SLAMF9: variants seen among roughly 807,000 people sequenced by gnomAD.
SLAMF9 encodes CD2 family member 10.
In SLAMF9, 25 loss-of-function variants were observed where a neutral mutation model predicts 30.4. That is an observed-to-expected ratio of 0.82 (90% CI 0.60 to 1.15). The LOEUF is 1.15. Ranked by LOEUF, SLAMF9 falls within the 50% of genes most tolerant of loss-of-function variation. The pLI, the probability that SLAMF9 is intolerant of heterozygous loss-of-function variation, is 0.00. For missense variants in SLAMF9, 344 were observed against 346.1 expected, an observed-to-expected ratio of 0.99 and a Z score of 0.05; for synonymous variants, 129 against 127.2, an observed-to-expected ratio of 1.01 and a Z score of -0.09.
At chr1:159,955,170 C>T (rs976792896), upstream of SLAMF9, among the ~76,000 whole-genome samples, 1 of 151,574 alleles carries the variant, frequency 6.6e-6, no homozygotes. Flanking sequence ...GACTTTAAAT[C>T]GTTTTGTGAG....
At chr1:159,970,302 G>A in the SLAMF9 span, among the ~76,000 whole-genome samples, 15 of 152,182 alleles carry the variant, frequency 9.9e-5, no homozygotes, top group Non-Finnish European at 7.3e-5. Flanking sequence ...CCCCTGAAAT[G>A]CTTTGTTGCA....
chr1:159,982,480 C>T, the SLAMF9 span, among the ~76,000 whole-genome samples: 1 of 152,292 alleles, frequency 6.6e-6, no homozygotes, highest in South Asian at 2.1e-4. Context: ...AAGATCCATG[C>T]AAATGTTCCC....
chr1:159,976,955 A>AGAAG, the SLAMF9 span: 1 of 6,898 alleles, frequency 1.4e-4, no homozygotes, highest in Non-Finnish European at 7.4e-4. Flanking sequence ...AAAGAAAGAA[A>AGAAG]GAAAGAGAAA....
chr1:159,980,390 T>G, the SLAMF9 span, among the ~76,000 whole-genome samples: 1 of 152,112 alleles, frequency 6.6e-6, no homozygotes, highest in African/African-American at 2.4e-5. Flanking sequence ...TGGCTGAAAG[T>G]GACTGGTGGT....
At chr1:159,957,962 A>C (rs1419627445), upstream of SLAMF9, among the ~76,000 whole-genome samples, 1 of 152,226 alleles carries the variant, frequency 6.6e-6, no homozygotes, top group East Asian at 1.9e-4. Context: ...TAAATGGAGA[A>C]GGAAGCAGGT....
chr1:159,951,808 C>T lies in SLAMF9; in HGVS notation c.723G>A (p.Leu241=). Reference sequence around the variant, plus strand: ...GAATTACCAAGAGCAAGAAGATGAGCAATCCCTTGGCCAGGAGGCAGAAGG... The same window carrying T: ...GAATTACCAAGAGCAAGAAGATGAGTAATCCCTTGGCCAGGAGGCAGAAGG... The part of the protein sequence containing the change: ...STAFCLLAKG[L]LIFLLLVILA... Residue 241 remains leucine, a synonymous_variant, in exon 4 of 4, where the codon TTG becomes TTA. Coordinates refer to ENST00000368093, the MANE Select transcript of SLAMF9 (RefSeq NM_033438.4). 1 of 1,614,176 alleles carries T rather than the reference C, an allele frequency of 6.2e-7. No individual in the cohort carries two copies. The highest frequency in any genetic ancestry group is 1.3e-5 in the African/African-American group (1 of 75,038).
the SLAMF9 span, among the ~76,000 whole-genome samples, chr1:159,973,571 C>T: frequency 6.6e-6 from 1 of 152,158 alleles, no homozygotes; most frequent in Non-Finnish European, 1.5e-5. Flanking sequence ...TTCCCAGTGC[C>T]CCACTCCCAG....
chr1:159,952,515 C>G lies in SLAMF9; in HGVS notation c.411G>C (p.Gln137His), dbSNP rs1220515721. 8 of 1,613,910 alleles carry G rather than the reference C, an allele frequency of 5.0e-6. No homozygotes were observed. The Admixed American group carries it at 8.3e-5, about 17-fold the overall frequency. Residue 137 changes from glutamine (Q) to histidine (H), a missense_variant, in exon 3 of 4, where the codon CAG (glutamine) becomes CAC (histidine). By Grantham distance (24) the Gln-to-His change is conservative. Transcript: ENST00000368093. ...ICVYRWLSEP[Q>H]ITVNFESSGE... The stretch of plus-strand genomic sequence containing the variant: ...CAGAACTCTCAAAGTTCACAGTGAT[C>G]TGGGGCTCTGACAGCCATCCTGGAT...
chr1:159,973,987 T>C, the SLAMF9 span: 3 of 1,610,084 alleles, frequency 1.9e-6, no homozygotes, highest in African/African-American at 4.0e-5. Flanking sequence ...AGTGGTGTAT[T>C]CTTCCATCCC....
At chr1:159,983,508 T>G in the SLAMF9 span, 1 of 152,100 alleles carries the variant, frequency 6.6e-6, no homozygotes, top group African/African-American at 2.4e-5. Context: ...TTGTTTTTTG[T>G]TTTTGTTTTG....
intron 3 of SLAMF9, 89 bp from the exon 4 acceptor site, chr1:159,951,955 G>T (rs113517995): frequency 8.9e-6 from 10 of 1,119,000 alleles, no homozygotes; most frequent in African/African-American, 7.8e-5. Context: ...TCATGAAGGG[G>T]TCTCAAGTTC....
At chr1:159,952,198 G>C in intron 3 of SLAMF9, 64 bp downstream of exon 3, 1 of 1,571,988 alleles carries the variant, frequency 6.4e-7, no homozygotes, top group Non-Finnish European at 8.7e-7. Context: ...AGCTGGGGGA[G>C]GGAGATGGTG....
At chr1:159,969,017 G>C in the SLAMF9 span, among the ~76,000 whole-genome samples, 1 of 150,322 alleles carries the variant, frequency 6.7e-6, no homozygotes, top group African/African-American at 2.4e-5. Context: ...ACTCCAGCCT[G>C]AGTGACAAAG....
At chr1:159,982,816 G>A in the SLAMF9 span, 1 of 152,320 alleles carries the variant, frequency 6.6e-6, no homozygotes, top group Non-Finnish European at 1.5e-5. Flanking sequence ...GGATCACGAG[G>A]TCAAGAGATG....
At chr1:159,967,877 G>A in the SLAMF9 span, among the ~76,000 whole-genome samples, 1 of 152,048 alleles carries the variant, frequency 6.6e-6, no homozygotes, top group Non-Finnish European at 1.5e-5. Flanking sequence ...TTGTAAATGG[G>A]ATCGTTCTTA....
the SLAMF9 span, chr1:159,972,805 C>T: frequency 2.1e-5 from 17 of 814,074 alleles, no homozygotes; most frequent in Admixed American, 2.6e-4. Flanking sequence ...TCAGCGGGAC[C>T]GTGGTGCAGA....
chr1:159,957,240 TCAAAAGTCAG>T (rs927205891), upstream of SLAMF9, among the ~76,000 whole-genome samples: 2 of 151,344 alleles, frequency 1.3e-5, no homozygotes, highest in Non-Finnish European at 2.9e-5. Context: ...TGGAAAGATT[TCAAAAGTCAG>T]TCAGATAGGA....
the SLAMF9 span, chr1:159,972,714 T>G: frequency 1.2e-5 from 3 of 247,174 alleles, no homozygotes; most frequent in East Asian, 1.7e-4. Context: ...GATCTCTCCA[T>G]TGAGGTAGAA....
chr1:159,971,906 C>T, the SLAMF9 span, among the ~76,000 whole-genome samples: 8 of 152,100 alleles, frequency 5.3e-5, no homozygotes, highest in Admixed American at 1.3e-4. Flanking sequence ...AACTCAGAGG[C>T]CTGTGATTGT....
Sources: gnomAD v4.1 joint callset for allele counts (sites outside exome capture counted in the v4.1 genomes callset) on GRCh38, gnomAD v4.1.1 for gene constraint, MANE v1.5 for transcripts, NCBI Gene and HGNC (gene_info 2026-07-23, HGNC 2026-07-21) for gene names.